The following ATR variants were observed in gnomAD, a reference collection of about 807,000 sequenced individuals.
ATR encodes the protein serine/threonine-protein kinase ATR.
ATR carries 142 observed loss-of-function variants against 305.3 expected under a neutral mutation model. The observed-to-expected ratio is 0.47, with a 90% CI of 0.41 to 0.53. The LOEUF (loss-of-function observed/expected upper bound fraction) is 0.53. ATR is among the 20% of genes least tolerant of loss of function. The pLI, the probability that ATR is intolerant of heterozygous loss-of-function variation, is 0.00. For synonymous variants in ATR, 1,050 were observed against 1,068.1 expected (o/e 0.98, Z 0.33); for missense variants, 2,135 against 3,133.1 (o/e 0.68, Z 7.60).
intron 21 of ATR, among the ~76,000 whole-genome samples, chr3:142,533,358 G>C (rs1329735506): frequency 1.3e-5 from 2 of 152,152 alleles, no homozygotes; most frequent in East Asian, 3.9e-4. Context: ...CATAATGTTT[G>C]AGCATATATT....
chr3:142,498,696 T>G lies in ATR; in HGVS notation c.5459A>C (p.Tyr1820Ser). Residue 1820 changes from tyrosine (Y) to serine (S), a missense_variant, in exon 32 of 47, where the codon TAT (tyrosine) becomes TCT (serine). Around this residue, in one of 9 missense-constraint regions of ATR, gnomAD observed 117 missense variants for 198.3 expected, o/e 0.59. Transcript: ENST00000350721. Reference protein sequence around the residue: ...SAKKRDITAFYDSLKLVRAEQ... With the variant: ...SAKKRDITAFSDSLKLVRAEQ... ...TGCTCTCACTAGTTTCAGTGAGTCA[T>G]AAAAAGCTGTGATATCTCTTTTTTT... 2 of 1,614,006 alleles carry G rather than the reference T, an allele frequency of 1.2e-6. No homozygotes were observed. The highest frequency in any genetic ancestry group is 1.7e-6 in the Non-Finnish European group (2 of 1,179,878).
chr3:142,477,834 T>C (rs1443333491), intron 36 of ATR, among the ~76,000 whole-genome samples: 1 of 152,222 alleles, frequency 6.6e-6, no homozygotes, highest in Non-Finnish European at 1.5e-5. Flanking sequence ...GGTGTATGTG[T>C]CCAGGAATTT....
intron 46 of ATR, chr3:142,451,747 T>G: frequency 8.7e-7 from 1 of 1,155,528 alleles, no homozygotes. Context: ...GCCCAGCTAA[T>G]TAAAAAAAAA....
intron 27 of ATR, among the ~76,000 whole-genome samples, chr3:142,511,657 A>G (rs993263430): frequency 1.3e-5 from 2 of 148,878 alleles, no homozygotes; most frequent in African/African-American, 5.2e-5. Context: ...CTCCATCTCA[A>G]AAAAAAATTA....
intron 42 of ATR, among the ~76,000 whole-genome samples, chr3:142,460,375 T>C (rs1298289530): frequency 3.3e-5 from 5 of 152,130 alleles, no homozygotes; most frequent in Admixed American, 1.3e-4. Flanking sequence ...TTTGCAGATG[T>C]AATGTTGTTA....
At position 142,522,837 on chromosome 3, in the gene ATR, C is replaced by A. The variant is rs994276091; in HGVS notation, c.4157G>T (p.Gly1386Val). Residue 1386 changes from glycine (G) to valine (V), a missense_variant, in exon 23 of 47, where the codon GGA becomes GTA. Gly to Val is a moderately radical substitution (Grantham distance 109). Coordinates refer to ENST00000350721, the MANE Select transcript of ATR (RefSeq NM_001184.4). ...ATAGGCAAAGCTTGAATCTTCTACTCCAGTCTCAATCAGAAAAAAAAAAAA... is the reference window on the plus strand; with the variant it reads ...ATAGGCAAAGCTTGAATCTTCTACTACAGTCTCAATCAGAAAAAAAAAAAA... ...TQGKDFTFVT[G>V]VEDSSFAYGL... is the part of the protein sequence containing the mutation. The A allele has an allele frequency of 3.7e-6, 6 of 1,606,692 alleles. No individual in the cohort carries two copies. The highest frequency in any genetic ancestry group is 4.3e-6 in the Non-Finnish European group (5 of 1,173,602).
intron 1 of ATR, among the ~76,000 whole-genome samples, chr3:142,573,688 A>C (rs1369042219): frequency 6.6e-6 from 1 of 152,170 alleles, no homozygotes; most frequent in African/African-American, 2.4e-5. Context: ...TGATCCTAAC[A>C]ATATATCTGA....
intron 1 of ATR, among the ~76,000 whole-genome samples, chr3:142,576,417 G>A (rs746956339): frequency 6.6e-6 from 1 of 152,134 alleles, no homozygotes; most frequent in Non-Finnish European, 1.5e-5. Flanking sequence ...CATGAGATTA[G>A]GTAAGATTAC....
At chr3:142,567,412 A>T (rs2035110641) in intron 2 of ATR, among the ~76,000 whole-genome samples, 1 of 152,198 alleles carries the variant, frequency 6.6e-6, no homozygotes, top group African/African-American at 2.4e-5. Context: ...ATTTTTCAGC[A>T]ACCCATCATT....
At chr3:142,491,524 T>C (rs2031276343) in intron 35 of ATR, among the ~76,000 whole-genome samples, 1 of 152,214 alleles carries the variant, frequency 6.6e-6, no homozygotes, top group South Asian at 2.1e-4. Flanking sequence ...TTTGTGTGCC[T>C]CATAAGTTGT....
At chr3:142,463,510 C>A (rs769456090) in intron 41 of ATR, among the ~76,000 whole-genome samples, 2 of 152,182 alleles carry the variant, frequency 1.3e-5, no homozygotes, top group Non-Finnish European at 2.9e-5. Context: ...AATTCTCATG[C>A]CTCAGCCTCC....
intron 45 of ATR, among the ~76,000 whole-genome samples, chr3:142,455,227 G>C (rs1445936957): frequency 6.6e-6 from 1 of 151,920 alleles, no homozygotes; most frequent in Non-Finnish European, 1.5e-5. Flanking sequence ...TATAAAACTT[G>C]ACCCTAAAAA....
chr3:142,464,600 T>A (rs2071087589), intron 41 of ATR, among the ~76,000 whole-genome samples: 1 of 152,222 alleles, frequency 6.6e-6, no homozygotes, highest in African/African-American at 2.4e-5. Flanking sequence ...CTTTGAATAA[T>A]GCCAAGTGAT....
At chr3:142,454,160 T>C (rs972397544) in intron 45 of ATR, among the ~76,000 whole-genome samples, 8 of 152,200 alleles carry the variant, frequency 5.3e-5, no homozygotes, top group Non-Finnish European at 8.8e-5. Context: ...CCTGGAAGTA[T>C]ACCCTCTGGA....
intron 27 of ATR, among the ~76,000 whole-genome samples, chr3:142,511,549 G>T (rs889561968): frequency 6.6e-6 from 1 of 151,934 alleles, no homozygotes; most frequent in African/African-American, 2.4e-5. Flanking sequence ...CCAGCTACTC[G>T]CAAAGCTGAG....
intron 39 of ATR, among the ~76,000 whole-genome samples, chr3:142,467,362 C>G (rs1254900254): frequency 6.6e-6 from 1 of 152,106 alleles, no homozygotes; most frequent in Non-Finnish European, 1.5e-5. Flanking sequence ...GTACTTATTA[C>G]TCTAGATAAC....
At chr3:142,480,892 C>T (rs377755328) in intron 36 of ATR, among the ~76,000 whole-genome samples, 29 of 152,152 alleles carry the variant, frequency 1.9e-4, no homozygotes, top group African/African-American at 4.1e-4. Context: ...GAGCCATGCA[C>T]GGGATATAAT....
At chr3:142,554,453 C>T (rs1445400286) in intron 10 of ATR, among the ~76,000 whole-genome samples, 1 of 152,184 alleles carries the variant, frequency 6.6e-6, no homozygotes, top group Non-Finnish European at 1.5e-5. Context: ...GTCTCGAACA[C>T]CTGAGCTCAG....
chr3:142,523,105 T>C lies in ATR; in HGVS notation c.4153-264A>G, dbSNP rs183700806. 5.3e-5 allele frequency among the ~76,000 whole-genome samples: 8 copies of C among 152,258 alleles called. No homozygotes were observed. In the East Asian group the frequency reaches 1.5e-3, roughly 29 times the overall value. On this transcript the variant is annotated intron_variant, in intron 22 of 46. Coordinates refer to ENST00000350721, the MANE Select transcript of ATR (RefSeq NM_001184.4). ...TTTTGCATATCTCTGACAATTTGCA[T>C]TGTTTGTTTTTTAACCCTTAAAAAG...
Sources: gnomAD v4.1 joint callset for allele counts (sites outside exome capture counted in the v4.1 genomes callset) on GRCh38, gnomAD v4.1.1 for gene constraint, gnomAD v4.1.1 regional missense constraint, MANE v1.5 for transcripts, NCBI Gene and HGNC (gene_info 2026-07-23, HGNC 2026-07-21) for gene names.